The following PKHD1L1 variants were observed in gnomAD, a reference collection of about 807,000 sequenced individuals.
The protein encoded by PKHD1L1 is PKHD1 like 1.
A neutral mutation model predicts 462.9 loss-of-function variants in PKHD1L1; 434 were observed. The ratio of observed to expected loss-of-function variants is 0.94; its 90% CI spans 0.87 to 1.02. The LOEUF (loss-of-function observed/expected upper bound fraction) is 1.02. Among genes scored for constraint, PKHD1L1 ranks in the 50% least tolerant of loss-of-function variants. The pLI, the probability that PKHD1L1 is intolerant of heterozygous loss-of-function variation, is 0.00. For missense variants in PKHD1L1, 5,202 were observed against 5,096.1 expected (o/e 1.02, Z -0.63); for synonymous variants, 1,781 against 1,750.0 (o/e 1.02, Z -0.44).
chr8:109,399,399 ATTG>A (rs913401024), intron 12 of PKHD1L1, among the ~76,000 whole-genome samples: 7 of 151,990 alleles, frequency 4.6e-5, no homozygotes, highest in African/African-American at 7.2e-5. Flanking sequence ...AGTAAGCCTA[ATTG>A]TTGTTGCAGT....
At chr8:109,498,955 T>C in intron 67 of PKHD1L1, 184 bp downstream of exon 67, 1 of 595,084 alleles carries the variant, frequency 1.7e-6, no homozygotes, top group South Asian at 2.3e-5. Context: ...GCAGGATTCT[T>C]ATACTGTATG....
Position 109,435,285 on chromosome 8 carries a change from G to A in PKHD1L1, c.3436G>A (p.Gly1146Ser). 1.9e-6 allele frequency: 3 copies of A among 1,613,780 alleles called. No individual in the cohort carries two copies. Among genetic ancestry groups the A allele is most frequent in the Non-Finnish European group, 2.5e-6 (3 of 1,179,776 alleles). The change falls in exon 29 of 78, where the codon GGT (glycine) becomes AGT (serine). Residue 1146 changes from glycine to serine, a missense_variant. By Grantham distance (56) the Gly-to-Ser change is moderately conservative. This residue lies in a region of PKHD1L1 where 4,497 missense variants were observed against 4,336.8 expected (regional missense o/e 1.04). Coordinates refer to ENST00000378402, the MANE Select transcript of PKHD1L1 (RefSeq NM_177531.6). ...ADVGLAQNVG[G>S]EEFYFVYQSQ... ...TGTTGGACTAGCACAGAATGTAGGG[G>A]GTGAAGAGTTCTACTTTGTTTATCA...
At chr8:109,508,519 C>A (rs1454576524) in intron 70 of PKHD1L1, among the ~76,000 whole-genome samples, 1 of 151,624 alleles carries the variant, frequency 6.6e-6, no homozygotes. Flanking sequence ...GAGAGGAGAG[C>A]AAGAAGTAGG....
intron 2 of PKHD1L1, among the ~76,000 whole-genome samples, chr8:109,374,838 T>C (rs1442635205): frequency 6.6e-6 from 1 of 152,238 alleles, no homozygotes; most frequent in African/African-American, 2.4e-5. Flanking sequence ...CCCCACTCTC[T>C]TCTGGCTTGT....
chr8:109,454,299 T>C, intron 44 of PKHD1L1, 53 bp downstream of exon 44: 1 of 1,239,762 alleles, frequency 8.1e-7, no homozygotes, highest in Non-Finnish European at 1.1e-6. Flanking sequence ...CCATTCATTT[T>C]TTTAAATACT....
chr8:109,435,182 T>C lies in PKHD1L1; in HGVS notation c.3341-8T>C, dbSNP rs372066711. 2.7e-4 allele frequency: 438 copies of C among 1,611,676 alleles called. No homozygotes were observed. Among genetic ancestry groups the C allele is most frequent in the Admixed American group, 8.6e-4 (51 of 59,632 alleles). On this transcript the variant is annotated splice_region_variant and splice_polypyrimidine_tract_variant and intron_variant, in intron 28 of 77. Coordinates refer to ENST00000378402, the MANE Select transcript of PKHD1L1 (RefSeq NM_177531.6). ...CCATTTTCTTCATCTTTTTCTTTTTTTCACAAGAAAAAGAGCTCAAGTGCC... is the reference window on the plus strand; with the variant it reads ...CCATTTTCTTCATCTTTTTCTTTTTCTCACAAGAAAAAGAGCTCAAGTGCC...
Position 109,427,136 on chromosome 8 carries a change from G to A in PKHD1L1, c.2980G>A (p.Gly994Arg), listed in dbSNP as rs199692519. The A allele has an allele frequency of 1.9e-5, 31 of 1,613,678 alleles. No homozygotes were observed. The highest frequency in any genetic ancestry group is 3.3e-5 in the Admixed American group (2 of 59,994). The change falls in exon 25 of 78, where the codon GGA becomes AGA. Residue 994 changes from glycine (G) to arginine (R), a missense_variant. Transcript: ENST00000378402. Reference sequence around the variant, plus strand: ...GAACATCAAATGGAGAAGCACCTGCGGAAAGCAGAATCTTCTACAGGTTCC... The same window carrying A: ...GAACATCAAATGGAGAAGCACCTGCAGAAAGCAGAATCTTCTACAGGTTCC... ...AWNIKWRSTCGKQNLLQINDS... is the reference protein window; with the variant it reads ...AWNIKWRSTCRKQNLLQINDS...
rs963336109 is a variant in PKHD1L1 at position 109,401,679 on chromosome 8, G to T, written c.1373+91G>T. On this transcript the variant is annotated intron_variant, in intron 14 of 77. Transcript: ENST00000378402. ...ATATTTTCAATTTATTTTTATTGGTGGAAGTGATATTAGTTTATTGGTTTA... is the reference window on the plus strand; with the variant it reads ...ATATTTTCAATTTATTTTTATTGGTTGAAGTGATATTAGTTTATTGGTTTA... 8 of 606,020 alleles carry T rather than the reference G, an allele frequency of 1.3e-5. No homozygotes were observed. In the Admixed American group the frequency reaches 2.5e-4, roughly 19 times the overall value. 37.5% of individuals were successfully genotyped at this position (606,020 alleles called of 1,614,324 possible).
Position 109,523,215 on chromosome 8 carries a change from CTTTTT to C in PKHD1L1, c.12331-7_12331-3del. The C allele has an allele frequency of 9.0e-6, 13 of 1,442,868 alleles. No homozygotes were observed. Among genetic ancestry groups the C allele is most frequent in the South Asian group, 6.8e-5 (5 of 74,024 alleles). The allele number at this position is 1,442,868 out of a possible 1,614,324, so 89.4% of individuals were successfully genotyped here. ...ACAGGACAATTGTTATAATTATCTA[CTTTTT>C]TTTTTTTTTTAGGGTAACTGTGTAT... On this transcript the variant is annotated splice_polypyrimidine_tract_variant and intron_variant, in intron 75 of 77. Coordinates refer to ENST00000378402, the MANE Select transcript of PKHD1L1 (RefSeq NM_177531.6).
chr8:109,387,622 G>A (rs190826912), intron 6 of PKHD1L1, among the ~76,000 whole-genome samples: 1 of 152,194 alleles, frequency 6.6e-6, no homozygotes, highest in Non-Finnish European at 1.5e-5. Context: ...TAAGGCAGGA[G>A]GTTAGGAGAA....
At chr8:109,415,000 TA>T (rs1563751518) in intron 21 of PKHD1L1, among the ~76,000 whole-genome samples, 4 of 130,570 alleles carry the variant, frequency 3.1e-5, no homozygotes, top group East Asian at 2.0e-4. Flanking sequence ...TTATTATTAT[TA>T]TTATTATTAT....
intron 34 of PKHD1L1, among the ~76,000 whole-genome samples, 179 bp from the exon 35 acceptor site, chr8:109,441,828 C>T (rs569898487): frequency 5.3e-5 from 8 of 151,686 alleles, no homozygotes; most frequent in Non-Finnish European, 1.2e-4. Flanking sequence ...CTTCTTATTA[C>T]CTTGCTTTCC....
chr8:109,401,657 T>C (rs558087869), intron 14 of PKHD1L1, 69 bp downstream of exon 14: 1 of 775,498 alleles, frequency 1.3e-6, no homozygotes, highest in East Asian at 2.9e-5. Context: ...TTTTAAAATA[T>C]TTTCAATTTA....
chr8:109,447,049 C>A (rs1001223033), intron 38 of PKHD1L1, among the ~76,000 whole-genome samples: 7 of 152,078 alleles, frequency 4.6e-5, no homozygotes, highest in African/African-American at 1.7e-4. Context: ...CATGGTGAAC[C>A]CCGTCTCTAC....
chr8:109,510,700 A>G (rs1819925306), intron 70 of PKHD1L1, 77 bp from the exon 71 acceptor site: 1 of 1,470,852 alleles, frequency 6.8e-7, no homozygotes, highest in Admixed American at 2.4e-5. Flanking sequence ...TTTATTTTTA[A>G]TACAATTACT....
In PKHD1L1 at chr8:109,531,351, A is replaced by C. The variant is rs1199004454; in HGVS notation, c.*1261A>C. Among the ~76,000 whole-genome samples, 2 of 152,216 alleles carry C rather than the reference A, an allele frequency of 1.3e-5. No homozygotes were observed. Among genetic ancestry groups the C allele is most frequent in the African/African-American group, 4.8e-5 (2 of 41,448 alleles). On this transcript the variant is annotated 3_prime_UTR_variant, in exon 78 of 78. Transcript: ENST00000378402. The stretch of plus-strand genomic sequence containing the variant: ...GGAAGGCTACAAGAAATAAGATGCT[A>C]TGCCTTCCCTCGAAGAGTTTTCAGG...
In PKHD1L1 at chr8:109,503,316, A is replaced by AAAC. The variant is rs1819529242; in HGVS notation, c.10829-1009_10829-1008insCAA. Among the ~76,000 whole-genome samples, 4 of 51,192 alleles carry AAAC rather than the reference A, an allele frequency of 7.8e-5. No homozygotes were observed. The South Asian group carries it at 3.4e-3, about 44-fold the overall frequency. 33.6% of individuals were successfully genotyped at this position (51,192 alleles called of 152,430 possible). ...AACAAAAACAAAAACAAAAACAAAC[A>AAAC]AAAAAAAAACAGAAGACCGCAGCTA... On this transcript the variant is annotated intron_variant, in intron 67 of 77. Coordinates refer to ENST00000378402, the MANE Select transcript of PKHD1L1 (RefSeq NM_177531.6).
chr8:109,448,675 C>A (rs1408303114), intron 39 of PKHD1L1, among the ~76,000 whole-genome samples: 2 of 147,914 alleles, frequency 1.4e-5, no homozygotes, highest in African/African-American at 4.9e-5. Flanking sequence ...CCATGCCTGG[C>A]TAATTTTTTT....
chr8:109,418,817 CTTG>C (rs1408582954), intron 21 of PKHD1L1, among the ~76,000 whole-genome samples: 1 of 152,152 alleles, frequency 6.6e-6, no homozygotes, highest in African/African-American at 2.4e-5. Context: ...AGTTTCCTTA[CTTG>C]TTGTTACAGA....
Sources: gnomAD v4.1 joint callset for allele counts (sites outside exome capture counted in the v4.1 genomes callset) on GRCh38, gnomAD v4.1.1 for gene constraint, gnomAD v4.1.1 regional missense constraint, MANE v1.5 for transcripts, NCBI Gene and HGNC (gene_info 2026-07-23, HGNC 2026-07-21) for gene names.